The following LINGO1 variants were observed in gnomAD, a reference collection of about 807,000 sequenced individuals.
LINGO1 encodes leucine-rich repeat and immunoglobulin-like domain-containing nogo receptor-interacting protein 1.
Under a neutral mutation model 37.3 loss-of-function variants are expected in LINGO1, and 11 were observed. The observed-to-expected ratio is 0.29, with a 90% CI of 0.19 to 0.49. The LOEUF is 0.49. Among genes scored for constraint, LINGO1 ranks in the 20% least tolerant of loss-of-function variants. The pLI is 0.99. For missense variants in LINGO1, 585 were observed against 878.2 expected, an observed-to-expected ratio of 0.67 and a Z score of 4.22; for synonymous variants, 387 against 403.0, an observed-to-expected ratio of 0.96 and a Z score of 0.48.
chr15:77,818,874 A>G (rs4243055), intron 1 of LINGO1, among the ~76,000 whole-genome samples: 125,576 of 151,550 alleles, frequency 0.83, 52,876 homozygotes, highest in Admixed American at 0.9. Context: ...CGCCCGCCAG[A>G]CGGCCCGGCC....
At chr15:77,695,713 G>C (rs948641435) in intron 1 of LINGO1, among the ~76,000 whole-genome samples, 11 of 152,084 alleles carry the variant, frequency 7.2e-5, no homozygotes, top group African/African-American at 2.7e-4. Context: ...AGCCTGGCTG[G>C]AGTGTCCAGC....
chr15:77,741,933 GA>G (rs768894685), intron 1 of LINGO1, among the ~76,000 whole-genome samples: 2 of 152,218 alleles, frequency 1.3e-5, no homozygotes, highest in Non-Finnish European at 2.9e-5. Flanking sequence ...CCTTGGTTCA[GA>G]TGGAGAGAAA....
upstream of LINGO1, among the ~76,000 whole-genome samples, chr15:77,635,477 G>T (rs1223490312): frequency 6.6e-6 from 1 of 152,146 alleles, no homozygotes; most frequent in Non-Finnish European, 1.5e-5. Context: ...CCTGTCGGGT[G>T]GGGTGGTTCC....
chr15:77,746,976 G>A (rs2076320647), intron 1 of LINGO1, among the ~76,000 whole-genome samples: 1 of 152,184 alleles, frequency 6.6e-6, no homozygotes, highest in African/African-American at 2.4e-5. Flanking sequence ...TAGGCCAGGA[G>A]AGGGCAGGGA....
chr15:77,818,441 C>A (rs549450161), intron 1 of LINGO1, among the ~76,000 whole-genome samples: 1 of 152,318 alleles, frequency 6.6e-6, no homozygotes, highest in Admixed American at 6.5e-5. Context: ...ACAGCCACAA[C>A]CTCAATGTAG....
At chr15:77,624,450 G>T (rs528172803) in intron 1 of LINGO1, among the ~76,000 whole-genome samples, 1 of 152,180 alleles carries the variant, frequency 6.6e-6, no homozygotes, top group South Asian at 2.1e-4. Flanking sequence ...CTGCACTGAA[G>T]GGAGGAATGC....
chr15:77,792,592 C>G (rs2076826770), intron 2 of LINGO1, among the ~76,000 whole-genome samples: 1 of 152,072 alleles, frequency 6.6e-6, no homozygotes, highest in Non-Finnish European at 1.5e-5. Context: ...GAGAAGGGCT[C>G]CAGAGAAGGG....
At chr15:77,756,175 C>T (rs1312260987) in intron 1 of LINGO1, among the ~76,000 whole-genome samples, 1 of 152,174 alleles carries the variant, frequency 6.6e-6, no homozygotes, top group African/African-American at 2.4e-5. Context: ...CCCATCCAGC[C>T]CACTTTCTTC....
chr15:77,749,539 G>A (rs2076350250), intron 1 of LINGO1, among the ~76,000 whole-genome samples: 1 of 152,232 alleles, frequency 6.6e-6, no homozygotes, highest in South Asian at 2.1e-4. Context: ...GAGTGGGTCT[G>A]GGTCTCTAAC....
intron 1 of LINGO1, among the ~76,000 whole-genome samples, chr15:77,776,447 T>TAGCAGGAAGGCAGGAA (rs2076640166): frequency 3.7e-4 from 13 of 34,958 alleles, no homozygotes; most frequent in African/African-American, 9.2e-4. Context: ...CCCGGGGCTT[T>TAGCAGGAAGGCAGGAA]AGCAGGAAGG....
chr15:77,652,601 A>C (rs2074786733), intron 3 of LINGO1, among the ~76,000 whole-genome samples: 1 of 149,712 alleles, frequency 6.7e-6, no homozygotes, highest in Non-Finnish European at 1.5e-5. Context: ...ACTCACGCCC[A>C]CTCCAGACAT....
At chr15:77,728,422 G>C (rs557077087) in intron 2 of LINGO1, among the ~76,000 whole-genome samples, 5 of 152,376 alleles carry the variant, frequency 3.3e-5, no homozygotes, top group Non-Finnish European at 5.9e-5. Flanking sequence ...AGGGCTGGGG[G>C]CTGGGAGTGG....
At chr15:77,749,204 G>A (rs928759732) in intron 1 of LINGO1, among the ~76,000 whole-genome samples, 11 of 151,966 alleles carry the variant, frequency 7.2e-5, no homozygotes, top group Admixed American at 2.0e-4. Flanking sequence ...CACTGCGCCC[G>A]GCCCCCCAGC....
At chr15:77,665,306 C>A (rs754613879) in intron 3 of LINGO1, among the ~76,000 whole-genome samples, 1 of 152,216 alleles carries the variant, frequency 6.6e-6, no homozygotes, top group Non-Finnish European at 1.5e-5. Context: ...TTGCTCCATG[C>A]TTGGCAGATA....
intron 1 of LINGO1, among the ~76,000 whole-genome samples, chr15:77,692,031 G>A (rs1258673108): frequency 6.6e-6 from 1 of 152,162 alleles, no homozygotes; most frequent in Non-Finnish European, 1.5e-5. Flanking sequence ...GGGCAGAGTG[G>A]GGCTTGAACA....
intron 1 of LINGO1, among the ~76,000 whole-genome samples, chr15:77,761,313 C>G (rs1018015351): frequency 2.6e-5 from 4 of 152,060 alleles, no homozygotes; most frequent in Non-Finnish European, 4.4e-5. Flanking sequence ...AGGGACCCAC[C>G]ACCAAATTGT....
chr15:77,649,060 CA>C (rs745793406), intron 3 of LINGO1: 2 of 152,228 alleles, frequency 1.3e-5, no homozygotes, highest in African/African-American at 2.4e-5. Flanking sequence ...GCCTTTCAGA[CA>C]CATCCAAGAA....
chr15:77,773,596 T>TGACGGCAGGC (rs2076607151), intron 1 of LINGO1, among the ~76,000 whole-genome samples: 1 of 152,054 alleles, frequency 6.6e-6, no homozygotes. Flanking sequence ...GGAAGGCAGG[T>TGACGGCAGGC]ATGACTCCAG....
intron 2 of LINGO1, chr15:77,690,605 CA>C (rs1220512023): frequency 6.6e-6 from 1 of 152,226 alleles, no homozygotes; most frequent in African/African-American, 2.4e-5. Flanking sequence ...TACTTACAAT[CA>C]AAGGGATCCT....
Sources: gnomAD v4.1 joint callset for allele counts (sites outside exome capture counted in the v4.1 genomes callset) on GRCh38, gnomAD v4.1.1 for gene constraint, MANE v1.5 for transcripts, NCBI Gene and HGNC (gene_info 2026-07-23, HGNC 2026-07-21) for gene names.